The following HPSE2 variants were observed in gnomAD, a reference collection of about 807,000 sequenced individuals.
HPSE2 encodes heparanase 2 (inactive).
Under a neutral mutation model 60.5 loss-of-function variants are expected in HPSE2, and 38 were observed. The observed-to-expected ratio is 0.63, with a 90% CI of 0.48 to 0.82. The LOEUF (loss-of-function observed/expected upper bound fraction) is 0.82. Ranked by LOEUF, HPSE2 falls within the 40% of genes least tolerant of loss-of-function variation. HPSE2 has a pLI of 0.00. For synonymous variants in HPSE2, 295 were observed against 293.2 expected (o/e 1.01, Z -0.06); for missense variants, 713 against 740.4 (o/e 0.96, Z 0.43).
Position 99,026,483 on chromosome 10 carries a change from A to G in HPSE2, c.610+117755T>C, listed in dbSNP as rs577865147. On this transcript the variant is annotated intron_variant, in intron 3 of 11. Transcript: ENST00000370552. ...GATATATAAGTACAAAAAGGTTAATATTAGAGGTAAAGGGAGAGAGAGTCC... is the reference window on the plus strand; with the variant it reads ...GATATATAAGTACAAAAAGGTTAATGTTAGAGGTAAAGGGAGAGAGAGTCC... 1.9e-4 allele frequency among the ~76,000 whole-genome samples: 29 copies of G among 152,194 alleles called. No individual in the cohort carries two copies. In the East Asian group the frequency reaches 3.1e-3, roughly 16 times the overall value.
At chr10:98,762,255 GA>G (rs1225308892) in intron 3 of HPSE2, among the ~76,000 whole-genome samples, 3 of 132,386 alleles carry the variant, frequency 2.3e-5, no homozygotes, top group African/African-American at 8.5e-5. Context: ...TGCCTCTAAA[GA>G]AGTCCCAGTC....
At chr10:98,990,964 C>T (rs1956508594) in intron 3 of HPSE2, among the ~76,000 whole-genome samples, 1 of 152,152 alleles carries the variant, frequency 6.6e-6, no homozygotes, top group South Asian at 2.1e-4. Flanking sequence ...AAATCAAACC[C>T]CATGCCCCAA....
chr10:99,300,028 CAAA>C, the HPSE2 span, among the ~76,000 whole-genome samples: 2 of 131,534 alleles, frequency 1.5e-5, no homozygotes, highest in African/African-American at 2.9e-5. Context: ...GAGGGAGAGG[CAAA>C]AAAAAAAAAA....
intron 6 of HPSE2, among the ~76,000 whole-genome samples, chr10:98,662,487 T>C (rs1947251763): frequency 6.6e-6 from 1 of 152,112 alleles, no homozygotes; most frequent in Admixed American, 6.5e-5. Flanking sequence ...TTCTCACTTA[T>C]AAGTGGGAGC....
intron 9 of HPSE2, among the ~76,000 whole-genome samples, chr10:98,519,484 C>T (rs572196956): frequency 9.2e-5 from 14 of 152,300 alleles, no homozygotes; most frequent in African/African-American, 2.9e-4. Flanking sequence ...CTTTCCTGCA[C>T]CAAAAGTATT....
At chr10:98,685,518 T>C (rs1947891571) in intron 6 of HPSE2, among the ~76,000 whole-genome samples, 2 of 152,202 alleles carry the variant, frequency 1.3e-5, no homozygotes, top group African/African-American at 4.8e-5. Context: ...AAATGTGCTT[T>C]TTTATAAGGC....
At chr10:98,556,336 A>G (rs1283659182) in intron 9 of HPSE2, among the ~76,000 whole-genome samples, 1 of 152,224 alleles carries the variant, frequency 6.6e-6, no homozygotes, top group African/African-American at 2.4e-5. Flanking sequence ...ATACTTCTGC[A>G]AATAGATGGC....
At chr10:98,608,756 C>T (rs1945665356) in intron 9 of HPSE2, among the ~76,000 whole-genome samples, 2 of 152,136 alleles carry the variant, frequency 1.3e-5, no homozygotes, top group Non-Finnish European at 2.9e-5. Context: ...TTGGGTTTCA[C>T]ATCACAGCTA....
intron 3 of HPSE2, among the ~76,000 whole-genome samples, chr10:98,990,683 T>C (rs1380765991): frequency 6.6e-6 from 1 of 152,316 alleles, no homozygotes; most frequent in East Asian, 1.9e-4. Context: ...ATCTCTAAAA[T>C]GAAAATTAAT....
intron 2 of HPSE2, among the ~76,000 whole-genome samples, chr10:99,174,424 T>C (rs1012350586): frequency 3.5e-4 from 53 of 152,214 alleles, no homozygotes; most frequent in African/African-American, 1.3e-3. Flanking sequence ...GCTAACCATA[T>C]AGGAGATGTA....
chr10:98,597,760 C>T (rs531029226), intron 9 of HPSE2, among the ~76,000 whole-genome samples: 8 of 151,654 alleles, frequency 5.3e-5, no homozygotes, highest in African/African-American at 1.7e-4. Context: ...CATTTGAGGT[C>T]AGGAGTTTGA....
Position 98,810,770 on chromosome 10 carries a change from T to A in HPSE2, c.611-66714A>T, listed in dbSNP as rs553654839. On this transcript the variant is annotated intron_variant, in intron 3 of 11. Transcript: ENST00000370552. ...CAGTTGATGAACTAAAAAAAAAAAA[T>A]AAAAATAAAAATAAATCACACACAA... 6.1e-3 allele frequency among the ~76,000 whole-genome samples: 925 copies of A among 151,650 alleles called. 6 individuals are homozygous for A. The highest frequency in any genetic ancestry group is 0.021 in the African/African-American group (861 of 41,226).
chr10:98,529,384 C>G (rs1167729710), intron 9 of HPSE2, among the ~76,000 whole-genome samples: 4 of 152,152 alleles, frequency 2.6e-5, no homozygotes, highest in Admixed American at 2.0e-4. Flanking sequence ...CCCAGTCATT[C>G]TATTTCTAGG....
chr10:98,704,001 T>G (rs1452534852), intron 5 of HPSE2, among the ~76,000 whole-genome samples: 1 of 152,152 alleles, frequency 6.6e-6, no homozygotes, highest in African/African-American at 2.4e-5. Context: ...AAGACATGAT[T>G]CTGTATTTAG....
chr10:99,092,945 T>C (rs1200094234), intron 3 of HPSE2, among the ~76,000 whole-genome samples: 5 of 152,204 alleles, frequency 3.3e-5, no homozygotes, highest in Admixed American at 2.6e-4. Flanking sequence ...TATAAAGTAT[T>C]GCTGGCTGGG....
chr10:98,897,058 G>A (rs1040182440), intron 3 of HPSE2, among the ~76,000 whole-genome samples: 11 of 152,262 alleles, frequency 7.2e-5, no homozygotes, highest in African/African-American at 2.2e-4. Context: ...GCTGGAGGCC[G>A]TTACTCTAAG....
At chr10:98,703,044 CTAAT>C (rs551609078) in intron 5 of HPSE2, among the ~76,000 whole-genome samples, 73 of 151,924 alleles carry the variant, frequency 4.8e-4, no homozygotes, top group Middle Eastern at 3.4e-3. Context: ...GCTAACTAGA[CTAAT>C]AAAGAAGAAA....
At chr10:98,690,312 G>A (rs748302634) in intron 6 of HPSE2, among the ~76,000 whole-genome samples, 5 of 152,108 alleles carry the variant, frequency 3.3e-5, no homozygotes, top group Admixed American at 2.0e-4. Context: ...AGGCCAAGGC[G>A]GGTGGATCAC....
At chr10:98,876,619 T>C (rs1165278289) in intron 3 of HPSE2, among the ~76,000 whole-genome samples, 1 of 151,896 alleles carries the variant, frequency 6.6e-6, no homozygotes, top group Non-Finnish European at 1.5e-5. Flanking sequence ...ATAGCCTAAC[T>C]CTATGCAGAC....
Sources: allele counts gnomAD v4.1 joint callset (sites outside exome capture counted in the v4.1 genomes callset), GRCh38; gene constraint gnomAD v4.1.1; transcripts MANE v1.5; gene names NCBI Gene and HGNC (gene_info 2026-07-23, HGNC 2026-07-21).